The following CAMK2D variants were observed in gnomAD, a reference collection of about 807,000 sequenced individuals.
The protein encoded by CAMK2D is calcium/calmodulin dependent protein kinase II delta.
Under a neutral mutation model 84.0 loss-of-function variants are expected in CAMK2D, and 37 were observed. The ratio of observed to expected loss-of-function variants is 0.44; its 90% confidence interval spans 0.34 to 0.58. The LOEUF (loss-of-function observed/expected upper bound fraction) is 0.58. CAMK2D is among the 20% of genes least tolerant of loss of function. The pLI, the probability that CAMK2D is intolerant of heterozygous loss-of-function variation, is 0.02. For missense variants in CAMK2D, 448 were observed against 652.5 expected (o/e 0.69, Z 3.41); for synonymous variants, 202 against 212.5 (o/e 0.95, Z 0.43).
Position 113,721,088 on chromosome 4 carries a change from A to T in CAMK2D, c.160+38232T>A, listed in dbSNP as rs112211540. ...ACATACGCTTACTCACTTTAACGCTACTTCTATAAATACCACTACTAAGCA... is the reference window on the plus strand; with the variant it reads ...ACATACGCTTACTCACTTTAACGCTTCTTCTATAAATACCACTACTAAGCA... On this transcript the variant is annotated intron_variant, in intron 2 of 20. Coordinates refer to ENST00000511664, the MANE Select transcript of CAMK2D (RefSeq NM_001321571.2). Among the ~76,000 whole-genome samples, 10 of 152,220 alleles carry T rather than the reference A, an allele frequency of 6.6e-5. 1 individual carries two copies. Among genetic ancestry groups the T allele is most frequent in the African/African-American group, 2.2e-4 (9 of 41,572 alleles).
chr4:113,735,289 GAAAAAA>G (rs769117708), intron 2 of CAMK2D, among the ~76,000 whole-genome samples: 4 of 44,716 alleles, frequency 8.9e-5, no homozygotes, highest in Non-Finnish European at 1.8e-4. Flanking sequence ...ATCTCTACAG[GAAAAAA>G]AAAAAAAAAA....
chr4:113,610,897 G>A (rs1454673997), intron 3 of CAMK2D, among the ~76,000 whole-genome samples: 1 of 151,954 alleles, frequency 6.6e-6, no homozygotes, highest in Non-Finnish European at 1.5e-5. Context: ...TGCCCAACAG[G>A]AACCATATTT....
chr4:113,675,877 C>A (rs2099316261), intron 2 of CAMK2D, among the ~76,000 whole-genome samples: 1 of 152,196 alleles, frequency 6.6e-6, no homozygotes, highest in Non-Finnish European at 1.5e-5. Flanking sequence ...AAGCCAAGAT[C>A]TGTACAGCTT....
In CAMK2D at chr4:113,748,311, G is replaced by A. The variant is rs116896251; in HGVS notation, c.160+11009C>T. On this transcript the variant is annotated intron_variant, in intron 2 of 20. Coordinates refer to ENST00000511664, the MANE Select transcript of CAMK2D (RefSeq NM_001321571.2). Reference sequence around the variant, plus strand: ...GTGAATAAGCATTTTTTGTTAAATTGAAGTTAAAATTTAGAATCACGCTCC... The same window carrying A: ...GTGAATAAGCATTTTTTGTTAAATTAAAGTTAAAATTTAGAATCACGCTCC... Among the ~76,000 whole-genome samples the A allele has an allele frequency of 1.5e-3, 232 of 150,970 alleles. 5 individuals carry two copies. In the East Asian group the frequency reaches 0.027, roughly 18 times the overall value.
intron 2 of CAMK2D, among the ~76,000 whole-genome samples, chr4:113,710,334 T>C (rs960112093): frequency 4.6e-5 from 7 of 152,112 alleles, no homozygotes; most frequent in African/African-American, 1.4e-4. Context: ...ATATGCAAAC[T>C]GTTTATTATG....
At chr4:113,754,328 A>G in intron 2 of CAMK2D, 7 of 982,402 alleles carry the variant, frequency 7.1e-6, no homozygotes, top group Non-Finnish European at 8.5e-6. Flanking sequence ...CCTCAGTATA[A>G]GCCCAAGGAA....
chr4:113,474,550 C>T (rs1224984512), intron 16 of CAMK2D, among the ~76,000 whole-genome samples: 2 of 140,098 alleles, frequency 1.4e-5, no homozygotes, highest in East Asian at 2.0e-4. Context: ...TCCAGCTGCC[C>T]CTGGGTGCTG....
chr4:113,758,953 C>G (rs548393890), intron 2 of CAMK2D, among the ~76,000 whole-genome samples: 1 of 152,106 alleles, frequency 6.6e-6, no homozygotes, highest in South Asian at 2.1e-4. Context: ...CTCTCAAAAG[C>G]AAAAGGGAAT....
intron 13 of CAMK2D, among the ~76,000 whole-genome samples, chr4:113,506,227 G>A (rs547635620): frequency 1.3e-5 from 2 of 152,248 alleles, no homozygotes; most frequent in South Asian, 4.1e-4. Flanking sequence ...GTCAAAACTA[G>A]TATTGAGAGG....
chr4:113,639,122 G>A (rs1356256273), intron 3 of CAMK2D, among the ~76,000 whole-genome samples: 2 of 150,910 alleles, frequency 1.3e-5, no homozygotes, highest in African/African-American at 4.9e-5. Context: ...GTGTGCACCT[G>A]TAGCCCCAGC....
At chr4:113,590,326 G>C (rs1054346185) in intron 4 of CAMK2D, among the ~76,000 whole-genome samples, 3 of 152,116 alleles carry the variant, frequency 2.0e-5, no homozygotes, top group African/African-American at 7.2e-5. Flanking sequence ...TTCTTGCTAA[G>C]AGAAACATCA....
chr4:113,519,717 A>G (rs1170791364), intron 8 of CAMK2D, among the ~76,000 whole-genome samples: 5 of 152,324 alleles, frequency 3.3e-5, no homozygotes, highest in African/African-American at 1.2e-4. Flanking sequence ...CATAAGGATA[A>G]TGTAATACTA....
intron 16 of CAMK2D, among the ~76,000 whole-genome samples, chr4:113,475,641 CTTT>C (rs1391851938): frequency 1.3e-5 from 2 of 152,198 alleles, no homozygotes; most frequent in Non-Finnish European, 2.9e-5. Flanking sequence ...CATTTCACTT[CTTT>C]GTGTTGCATA....
intron 3 of CAMK2D, among the ~76,000 whole-genome samples, chr4:113,639,178 G>C (rs1451359791): frequency 1.3e-5 from 2 of 151,536 alleles, no homozygotes; most frequent in Non-Finnish European, 2.9e-5. Flanking sequence ...TGAATTTGAG[G>C]CTACACTGAG....
intron 2 of CAMK2D, among the ~76,000 whole-genome samples, chr4:113,726,592 T>A (rs2099546850): frequency 6.6e-6 from 1 of 151,746 alleles, no homozygotes; most frequent in Admixed American, 6.6e-5. Flanking sequence ...TTGGTCAAGA[T>A]GGGGTCTCAC....
At chr4:113,508,333 C>T in intron 13 of CAMK2D, 2 of 1,148,320 alleles carry the variant, frequency 1.7e-6, no homozygotes, top group Non-Finnish European at 2.6e-6. Flanking sequence ...TTTAGAGTAT[C>T]AAAGCATGGA....
chr4:113,621,737 A>T (rs2099047224), intron 3 of CAMK2D, among the ~76,000 whole-genome samples: 1 of 152,178 alleles, frequency 6.6e-6, no homozygotes, highest in Non-Finnish European at 1.5e-5. Context: ...TGATCTCAGC[A>T]CTCATACAGT....
At chr4:113,757,931 G>A (rs948312107) in intron 2 of CAMK2D, among the ~76,000 whole-genome samples, 5 of 152,104 alleles carry the variant, frequency 3.3e-5, no homozygotes, top group Non-Finnish European at 7.4e-5. Flanking sequence ...ACACTGATTT[G>A]TTTTGAAAGA....
intron 3 of CAMK2D, among the ~76,000 whole-genome samples, chr4:113,633,246 C>T (rs766095248): frequency 5.9e-5 from 9 of 152,164 alleles, no homozygotes; most frequent in Non-Finnish European, 1.2e-4. Flanking sequence ...TTTTTATGCA[C>T]AATAACCAAA....
Sources: allele counts gnomAD v4.1 joint callset (sites outside exome capture counted in the v4.1 genomes callset), GRCh38; gene constraint gnomAD v4.1.1; transcripts MANE v1.5; gene names NCBI Gene and HGNC (gene_info 2026-07-23, HGNC 2026-07-21).